The following DMD variants were observed in gnomAD, a reference collection of about 807,000 sequenced individuals.
DMD encodes dystrophin, also known as mutant dystrophin.
A neutral mutation model predicts 330.1 loss-of-function variants in DMD; 63 were observed. That is an observed-to-expected ratio of 0.19 (90% CI 0.16 to 0.24). The LOEUF (loss-of-function observed/expected upper bound fraction) is 0.24. Among genes scored for constraint, DMD ranks in the 10% least tolerant of loss-of-function variants. DMD has a pLI of 1.00. For missense variants in DMD, 3,344 were observed against 2,684.1 expected (o/e 1.25, Z -5.43); for synonymous variants, 1,223 against 959.8 (o/e 1.27, Z -5.07).
chrX:32,525,953 G>A (rs767427177), intron 17 of DMD, among the ~76,000 whole-genome samples: 26 of 111,797 alleles, frequency 2.3e-4, no homozygotes, highest in African/African-American at 5.5e-4. Flanking sequence ...AAAATTACTC[G>A]TTTCTAATAA....
chrX:31,985,610 G>A (rs759166912), intron 44 of DMD, among the ~76,000 whole-genome samples: 10 of 112,396 alleles, frequency 8.9e-5, no homozygotes, highest in Admixed American at 8.5e-4. Context: ...GCAAGACTGA[G>A]CAAATGAATT....
chrX:32,527,590 TA>T lies in DMD; in HGVS notation c.2169-9460del, dbSNP rs201697791. Among the ~76,000 whole-genome samples the T allele has an allele frequency of 4.6e-5, 5 of 109,181 alleles. No individual in the cohort carries two copies. The East Asian group carries it at 8.7e-4, about 19-fold the overall frequency. 94.8% of individuals were successfully genotyped at this position (109,181 alleles called of 115,157 possible). A position where few individuals can be genotyped will look rare whatever the true frequency, so the allele number is the denominator to read the frequency against. On this transcript the variant is annotated intron_variant, in intron 17 of 78. Transcript: ENST00000357033. ...GCTTGTTTCCACATGGCATTTGCTTTAAAAAAAAATCGAGTAATAGAATACA... is the reference window on the plus strand; with the variant it reads ...GCTTGTTTCCACATGGCATTTGCTTTAAAAAAAATCGAGTAATAGAATACA...
chrX:33,322,184 C>T (rs999829487), intron 1 of DMD, among the ~76,000 whole-genome samples: 4 of 111,508 alleles, frequency 3.6e-5, no homozygotes, highest in East Asian at 2.8e-4. Flanking sequence ...TGGTGCAAGA[C>T]GCCTAGATTT....
intron 7 of DMD, among the ~76,000 whole-genome samples, chrX:32,729,623 TGTAA>T (rs960125702): frequency 7.2e-5 from 8 of 111,872 alleles, no homozygotes; most frequent in African/African-American, 2.6e-4. Context: ...TTTCTACCCT[TGTAA>T]GTTTTTGTTA....
At chrX:32,943,842 AT>A (rs765109243) in intron 2 of DMD, among the ~76,000 whole-genome samples, 1 of 111,907 alleles carries the variant, frequency 8.9e-6, no homozygotes, top group Admixed American at 9.5e-5. Context: ...GAGATCGAAC[AT>A]TTTTTCATAT....
intron 44 of DMD, among the ~76,000 whole-genome samples, chrX:32,174,687 A>T (rs2096900035): frequency 8.9e-6 from 1 of 112,468 alleles, no homozygotes; most frequent in South Asian, 3.6e-4. Context: ...AATTAAAAAC[A>T]GAATAAAACT....
chrX:32,362,709 T>C (rs977758390), intron 37 of DMD, 79 bp downstream of exon 37: 11 of 1,104,719 alleles, frequency 1.0e-5, no homozygotes, highest in Non-Finnish European at 1.4e-5. Context: ...TGGGGTCTAC[T>C]TGCCCCTTTC....
At chrX:33,325,936 G>A (rs1428982976) in intron 1 of DMD, among the ~76,000 whole-genome samples, 1 of 111,753 alleles carries the variant, frequency 8.9e-6, no homozygotes, top group Non-Finnish European at 1.9e-5. Context: ...GAGGTCATGT[G>A]TAAGTCACAA....
intron 1 of DMD, among the ~76,000 whole-genome samples, chrX:33,094,321 C>A (rs1026451262): frequency 3.6e-5 from 4 of 111,228 alleles, no homozygotes; most frequent in Non-Finnish European, 7.5e-5. Flanking sequence ...AATGAACTTA[C>A]AGTCTTTTGA....
intron 1 of DMD, among the ~76,000 whole-genome samples, chrX:33,176,486 AG>A (rs1218480685): frequency 9.0e-6 from 1 of 110,812 alleles, no homozygotes. Context: ...ATGAAATAAA[AG>A]CTTCGGCTTC....
At chrX:32,254,581 G>A (rs2097291010) in intron 43 of DMD, among the ~76,000 whole-genome samples, 1 of 111,993 alleles carries the variant, frequency 8.9e-6, no homozygotes, top group South Asian at 3.7e-4. Context: ...AGAGGTGAGA[G>A]AGATGGAGAA....
At chrX:33,253,714 A>G in intron 1 of DMD, among the ~76,000 whole-genome samples, 1 of 111,368 alleles carries the variant, frequency 9.0e-6, no homozygotes. Context: ...ATTTTACAAC[A>G]GGTATAAGCG....
chrX:31,672,097 G>GTAT (rs1295273946), intron 53 of DMD, among the ~76,000 whole-genome samples: 1 of 111,287 alleles, frequency 9.0e-6, no homozygotes, highest in Non-Finnish European at 1.9e-5. Flanking sequence ...TTGGTATATT[G>GTAT]TATTTTTATT....
At chrX:32,488,999 G>A (rs761945466) in intron 20 of DMD, among the ~76,000 whole-genome samples, 114 of 111,203 alleles carry the variant, frequency 1.0e-3, no homozygotes, top group Non-Finnish European at 1.9e-3. Flanking sequence ...CAACTCAAAT[G>A]TTCCTCCCTC....
intron 44 of DMD, among the ~76,000 whole-genome samples, chrX:32,188,745 G>A (rs766603480): frequency 1.8e-5 from 2 of 109,180 alleles, no homozygotes; most frequent in Non-Finnish European, 3.8e-5. Flanking sequence ...ACACATACAC[G>A]CACACAATTT....
At chrX:32,409,148 A>G (rs1397152513) in intron 30 of DMD, among the ~76,000 whole-genome samples, 1 of 111,739 alleles carries the variant, frequency 8.9e-6, no homozygotes, top group African/African-American at 3.2e-5. Flanking sequence ...CAATTCACTT[A>G]CTGCCATATT....
intron 44 of DMD, among the ~76,000 whole-genome samples, chrX:32,012,803 G>A (rs1603620308): frequency 9.0e-6 from 1 of 111,350 alleles, no homozygotes; most frequent in African/African-American, 3.3e-5. Context: ...TGATTACATA[G>A]GATAAACAAG....
chrX:32,220,299 T>C (rs909774178), intron 43 of DMD, among the ~76,000 whole-genome samples: 1 of 112,256 alleles, frequency 8.9e-6, no homozygotes. Flanking sequence ...TTTATAAATA[T>C]ATAAATATGA....
intron 7 of DMD, among the ~76,000 whole-genome samples, chrX:32,776,394 A>T (rs984792395): frequency 6.9e-4 from 76 of 109,963 alleles, no homozygotes; most frequent in African/African-American, 2.5e-3. Context: ...TTTCTGTTTT[A>T]GTCTGTTTTC....
Sources: allele counts gnomAD v4.1 joint callset (sites outside exome capture counted in the v4.1 genomes callset), GRCh38; gene constraint gnomAD v4.1.1; transcripts MANE v1.5; gene names NCBI Gene and HGNC (gene_info 2026-07-23, HGNC 2026-07-21).